Variants in ADGRF3 observed in about 807,000 individuals in gnomAD.
ADGRF3 encodes adhesion G protein-coupled receptor F3.
ADGRF3 carries 85 observed loss-of-function variants against 93.2 expected under a neutral mutation model. The observed-to-expected ratio is 0.91, with a 90% confidence interval of 0.77 to 1.09. ADGRF3 has a LOEUF of 1.09. Ranked by LOEUF, ADGRF3 falls within the 50% of genes least tolerant of loss-of-function variation. The pLI is 0.00. For missense variants in ADGRF3, 1,125 were observed against 1,246.2 expected (o/e 0.90, Z 1.46); for synonymous variants, 534 against 532.5 (o/e 1.00, Z -0.04).
intron 1 of ADGRF3, chr2:26,340,524 TA>T (rs1407207582): frequency 1.3e-5 from 2 of 152,140 alleles, no homozygotes; most frequent in Non-Finnish European, 2.9e-5. Context: ...AAACTGAAAT[TA>T]AAAAAGAACA....
rs1475519981 is a variant in ADGRF3, at chr2:26,313,850, AGC to A, written c.980_981del (p.Arg327LeufsTer5). 1 of 1,614,030 alleles carries A rather than the reference AGC, an allele frequency of 6.2e-7. No individual in the cohort carries two copies. ...GCGTACGTGGTGTCAGCCATCGGGC[AGC>A]GCTGAACAGCCAGCACAAAGCACTG... ...GSQCFVLAVQ[R>X]CPMADTTYAC... is the part of the protein sequence containing the mutation. On this transcript the variant is annotated frameshift_variant, in exon 7 of 14. Coordinates refer to ENST00000651242, the MANE Select transcript of ADGRF3 (RefSeq NM_001321971.2). LOFTEE classifies it high-confidence loss of function.
In ADGRF3 at chr2:26,311,496, A is replaced by T; in HGVS notation, c.2028T>A (p.Thr676=). The T allele has an allele frequency of 6.2e-7, 1 of 1,613,844 alleles. No homozygotes were observed. The highest frequency in any genetic ancestry group is 8.5e-7 in the Non-Finnish European group (1 of 1,179,700). Residue 676 remains threonine, a synonymous_variant, in exon 10 of 14, where the codon ACT becomes ACA. Coordinates refer to ENST00000651242, the MANE Select transcript of ADGRF3 (RefSeq NM_001321971.2). ...TGAGGTGCTGGCAGAGGCACTGAGC[A>T]GTGGGGCTGGCACTGGCCACCTGTG... ...CQAQVASASP[T]AQCLCQHLTA... is the part of the protein sequence containing the mutation.
At position 26,316,906 on chromosome 2, in the gene ADGRF3, T is replaced by C. The variant is rs1234970210; in HGVS notation, c.325+6A>G. ...ACTCTCAGCCCCCTTCCCACGCAAG[T>C]GGTACCTGTTGTGAGTCTGAGGCCA... On this transcript the variant is annotated splice_donor_region_variant and intron_variant, in intron 3 of 13. Transcript: ENST00000651242. 6.3e-7 allele frequency: 1 copy of C among 1,594,754 alleles called. No individual in the cohort carries two copies. Among genetic ancestry groups the C allele is most frequent in the South Asian group, 1.1e-5 (1 of 88,666 alleles).
intron 8 of ADGRF3, 38 bp downstream of exon 8, chr2:26,313,339 G>C: frequency 6.6e-7 from 1 of 1,518,706 alleles, no homozygotes; most frequent in Non-Finnish European, 8.8e-7. Flanking sequence ...AGGGTGGGCC[G>C]TGGAGGGGGC....
At position 26,311,016 on chromosome 2, in the gene ADGRF3, G is replaced by A; in HGVS notation, c.2508C>T (p.Leu836=). The A allele has an allele frequency of 6.2e-7, 1 of 1,612,638 alleles. No homozygotes were observed. The highest frequency in any genetic ancestry group is 1.6e-4 in the Middle Eastern group (1 of 6,062). ...PLGLAGVTLG[L]YLPQGQYLRE... ...TCAGGTATTGCCCTTGAGGTAGGTAGAGCCCCAGGGTGACACCTGCCAACC... is the reference window on the plus strand; with the variant it reads ...TCAGGTATTGCCCTTGAGGTAGGTAAAGCCCCAGGGTGACACCTGCCAACC... Residue 836 remains leucine (L), a synonymous_variant, in exon 10 of 14, where the codon CTC becomes CTT. Coordinates refer to ENST00000651242, the MANE Select transcript of ADGRF3 (RefSeq NM_001321971.2).
chr2:26,321,728 T>C (rs746329359), intron 1 of ADGRF3, among the ~76,000 whole-genome samples: 2 of 150,968 alleles, frequency 1.3e-5, no homozygotes, highest in Admixed American at 6.6e-5. Context: ...TCCCAGCACT[T>C]TGGGAGGCCG....
chr2:26,313,042 T>C lies in ADGRF3; in HGVS notation c.1350A>G (p.Ala450=), dbSNP rs1674332584. ...GGGTCAGTAAGTCGGAGGGTGAACT[T>C]GCCTCTGCCGCCTGCCCTGGCAGCT... is the stretch of plus-strand genomic sequence containing the variant. ...LAQLPGQAAE[A]SSPSDLLTLL... Residue 450 remains alanine (A), a synonymous_variant, in exon 9 of 14, where the codon GCA becomes GCG. Coordinates refer to ENST00000651242, the MANE Select transcript of ADGRF3 (RefSeq NM_001321971.2). The C allele has an allele frequency of 1.2e-6, 2 of 1,613,926 alleles. No individual in the cohort carries two copies. The highest frequency in any genetic ancestry group is 1.7e-6 in the Non-Finnish European group (2 of 1,179,892).
intron 7 of ADGRF3, 54 bp downstream of exon 7, chr2:26,313,706 T>A (rs1450256183): frequency 2.5e-6 from 4 of 1,606,002 alleles, no homozygotes; most frequent in Non-Finnish European, 3.4e-6. Context: ...AGAGAGCCCG[T>A]GCTCCCAAGG....
Position 26,314,265 on chromosome 2 carries a change from C to T in ADGRF3, c.928+149G>A, listed in dbSNP as rs1354339579. Reference sequence around the variant, plus strand: ...TTATGGCAATAGACGTGGCATGGCTCTGATGGGGTAGAAAACAGTGTTGGC... The same window carrying T: ...TTATGGCAATAGACGTGGCATGGCTTTGATGGGGTAGAAAACAGTGTTGGC... On this transcript the variant is annotated intron_variant, in intron 6 of 13. Transcript: ENST00000651242. The T allele has an allele frequency of 5.2e-6, 4 of 775,686 alleles. No individual in the cohort carries two copies. In the African/African-American group the frequency reaches 7.0e-5, roughly 14 times the overall value. The allele number at this position is 775,686 out of a possible 1,614,324, so 48.1% of individuals were successfully genotyped here.
chr2:26,346,071 G>A lies in ADGRF3; in HGVS notation c.114+50C>T, dbSNP rs1237737851. 5.3e-6 allele frequency: 8 copies of A among 1,519,246 alleles called. No individual in the cohort carries two copies. The Middle Eastern group carries it at 6.8e-4, about 130-fold the overall frequency. The allele number at this position is 1,519,246 out of a possible 1,614,324, so 94.1% of individuals were successfully genotyped here. On this transcript the variant is annotated intron_variant, in intron 1 of 13. Coordinates refer to ENST00000651242, the MANE Select transcript of ADGRF3 (RefSeq NM_001321971.2). ...GCTTGCGCACTGAGAGGCGGCCGAA[G>A]GGGCCGAGGCGGCTACGCGTGCGCG...
At chr2:26,335,871 T>C (rs988595682) in intron 1 of ADGRF3, among the ~76,000 whole-genome samples, 2 of 152,200 alleles carry the variant, frequency 1.3e-5, no homozygotes, top group Non-Finnish European at 2.9e-5. Context: ...GTGGGATTAC[T>C]AGGTTAATAA....
At chr2:26,332,781 T>A (rs1441495921) in intron 1 of ADGRF3, among the ~76,000 whole-genome samples, 3 of 60,940 alleles carry the variant, frequency 4.9e-5, no homozygotes, top group Non-Finnish European at 1.7e-4. Flanking sequence ...TTTATGTTAA[T>A]TTTTTTTTCT....
intron 2 of ADGRF3, 39 bp downstream of exon 2, chr2:26,317,457 T>A (rs559535467): frequency 3.0e-5 from 46 of 1,552,370 alleles, no homozygotes; most frequent in Non-Finnish European, 3.9e-5. Flanking sequence ...CCAGCTCCCA[T>A]CTCCTCCCCC....
In ADGRF3 at chr2:26,313,436, C is replaced by T. The variant is rs1317283086; in HGVS notation, c.1210G>A (p.Gly404Arg). The T allele has an allele frequency of 1.2e-6, 2 of 1,609,916 alleles. No individual in the cohort carries two copies. The highest frequency in any genetic ancestry group is 1.7e-6 in the Non-Finnish European group (2 of 1,178,278). The change falls in exon 8 of 14, where the codon GGG (glycine) becomes AGG (arginine). Residue 404 changes from glycine to arginine, a missense_variant. Physicochemically the swap from Gly to Arg is moderately radical, Grantham distance 125. Coordinates refer to ENST00000651242, the MANE Select transcript of ADGRF3 (RefSeq NM_001321971.2). ...RRLCGADGVW[G>R]PVHSSCTDAR... ...TCTGTGCAGCTGCTGTGGACCGGCC[C>T]CCAGACTCCGTCAGCCCCACAGAGC...
At chr2:26,319,573 T>TCCTTCCTC (rs1675002118) in intron 1 of ADGRF3, among the ~76,000 whole-genome samples, 2 of 55,000 alleles carry the variant, frequency 3.6e-5, no homozygotes, top group African/African-American at 1.6e-4. Context: ...CTCCCTTCCT[T>TCCTTCCTC]CCTTCCTTCC....
chr2:26,332,513 G>T (rs1448695848), intron 1 of ADGRF3, among the ~76,000 whole-genome samples: 1 of 152,210 alleles, frequency 6.6e-6, no homozygotes, highest in Non-Finnish European at 1.5e-5. Flanking sequence ...GCCAAGGTGG[G>T]TAGGTCCCAT....
intron 1 of ADGRF3, chr2:26,319,092 C>T (rs770767051): frequency 1.6e-5 from 24 of 1,527,288 alleles, no homozygotes; most frequent in Middle Eastern, 2.1e-4. Context: ...TGCAAATTTC[C>T]GCAAGGAAGA....
chr2:26,310,493 C>T (rs370936939), intron 10 of ADGRF3, among the ~76,000 whole-genome samples, 199 bp downstream of exon 10: 57 of 152,246 alleles, frequency 3.7e-4, no homozygotes, highest in East Asian at 1.7e-3. Context: ...GATAAGAAAA[C>T]CAAAGCTCAG....
intron 1 of ADGRF3, 76 bp downstream of exon 1, chr2:26,346,045 C>T: frequency 2.1e-6 from 3 of 1,432,136 alleles, no homozygotes; most frequent in South Asian, 2.6e-5. Context: ...GCGTGGGCTG[C>T]GCTTGCGCAC....
Sources: gnomAD v4.1 joint callset for allele counts (sites outside exome capture counted in the v4.1 genomes callset) on GRCh38, gnomAD v4.1.1 for gene constraint, MANE v1.5 for transcripts, NCBI Gene and HGNC (gene_info 2026-07-23, HGNC 2026-07-21) for gene names.